Variants in MCU observed in about 807,000 individuals in gnomAD.
The protein encoded by MCU is mitochondrial calcium uniporter, also known as calcium uniporter protein, mitochondrial.
MCU carries 12 observed loss-of-function variants against 45.2 expected under a neutral mutation model. The ratio of observed to expected loss-of-function variants is 0.27; its 90% confidence interval spans 0.17 to 0.43. The LOEUF (loss-of-function observed/expected upper bound fraction) is 0.43. MCU is among the 20% of genes least tolerant of loss of function. The pLI is 1.00. For synonymous variants in MCU, 160 were observed against 165.1 expected (o/e 0.97, Z 0.24); for missense variants, 324 against 436.7 (o/e 0.74, Z 2.30).
chr10:72,715,195 G>T (rs747233610), intron 1 of MCU: 1 of 984,756 alleles, frequency 1.0e-6, no homozygotes, highest in Non-Finnish European at 1.2e-6. Context: ...CATCTTAGCT[G>T]CTAGAGTGTG....
chr10:72,860,310 T>C (rs1589500672), intron 3 of MCU, 113 bp from the exon 4 acceptor site: 3 of 868,358 alleles, frequency 3.5e-6, no homozygotes, highest in Non-Finnish European at 5.4e-6. Context: ...AAAAGTTAAC[T>C]GAAATTTTAA....
At chr10:72,846,812 G>A (rs1845130105) in intron 2 of MCU, among the ~76,000 whole-genome samples, 1 of 152,146 alleles carries the variant, frequency 6.6e-6, no homozygotes, top group African/African-American at 2.4e-5. Flanking sequence ...TAGGGACTGG[G>A]AAGGGACCAG....
intron 2 of MCU, among the ~76,000 whole-genome samples, chr10:72,857,079 T>C (rs1297420945): frequency 6.6e-6 from 1 of 152,072 alleles, no homozygotes; most frequent in Non-Finnish European, 1.5e-5. Context: ...CCTGAGTAGC[T>C]GAGACTACAG....
At chr10:72,762,094 A>T (rs1843664677) in intron 1 of MCU, among the ~76,000 whole-genome samples, 1 of 152,200 alleles carries the variant, frequency 6.6e-6, no homozygotes, top group African/African-American at 2.4e-5. Flanking sequence ...AATCTTCAGA[A>T]AGTATGAAAA....
chr10:72,854,168 C>G (rs531344703), intron 2 of MCU, among the ~76,000 whole-genome samples: 7 of 152,124 alleles, frequency 4.6e-5, no homozygotes, highest in African/African-American at 1.7e-4. Flanking sequence ...TGGCACATGC[C>G]TGTAGTCCCA....
chr10:72,797,147 TCTC>T (rs1448183910), intron 1 of MCU, among the ~76,000 whole-genome samples: 4 of 152,106 alleles, frequency 2.6e-5, no homozygotes, highest in Non-Finnish European at 5.9e-5. Context: ...GAAGTAAAAG[TCTC>T]CTGTTACTAG....
chr10:72,755,798 G>T (rs1843567589), intron 1 of MCU, among the ~76,000 whole-genome samples: 1 of 151,484 alleles, frequency 6.6e-6, no homozygotes, highest in Non-Finnish European at 1.5e-5. Flanking sequence ...CAAAGGTTGT[G>T]CCAGAGTACT....
intron 1 of MCU, among the ~76,000 whole-genome samples, chr10:72,829,980 C>T (rs541406705): frequency 5.3e-5 from 8 of 152,024 alleles, no homozygotes; most frequent in Non-Finnish European, 1.0e-4. Flanking sequence ...TAGAAGTAGG[C>T]GGGAAGGACT....
chr10:72,831,322 G>A (rs1235012521), intron 1 of MCU, among the ~76,000 whole-genome samples: 1 of 152,054 alleles, frequency 6.6e-6, no homozygotes, highest in Non-Finnish European at 1.5e-5. Flanking sequence ...AGGTTAGAGC[G>A]AAAGGTAAAT....
At chr10:72,856,622 TCTTA>T (rs1030564160) in intron 2 of MCU, among the ~76,000 whole-genome samples, 4 of 152,032 alleles carry the variant, frequency 2.6e-5, no homozygotes, top group Admixed American at 2.0e-4. Context: ...AATTTTTGAC[TCTTA>T]CTTTATTTTT....
chr10:72,824,340 G>T, intron 1 of MCU, among the ~76,000 whole-genome samples: 1 of 150,664 alleles, frequency 6.6e-6, no homozygotes, highest in African/African-American at 2.4e-5. Flanking sequence ...GGGATTACAG[G>T]TGTCTGCCAC....
At chr10:72,798,439 A>G (rs192804187) in intron 1 of MCU, among the ~76,000 whole-genome samples, 2 of 152,110 alleles carry the variant, frequency 1.3e-5, no homozygotes, top group South Asian at 2.1e-4. Context: ...TTACAGGTGC[A>G]TGTCACCATG....
chr10:72,815,153 C>T (rs1844605956), intron 1 of MCU, among the ~76,000 whole-genome samples: 1 of 152,242 alleles, frequency 6.6e-6, no homozygotes. Context: ...TTAGGCTTTG[C>T]AGCCATATAG....
In MCU at chr10:72,736,539, A is replaced by G. The variant is rs542029307; in HGVS notation, c.150+44238A>G. The G allele has an allele frequency of 3.3e-5, 5 of 152,276 alleles. No homozygotes were observed. The South Asian group carries it at 1.0e-3, about 32-fold the overall frequency. 9.4% of individuals were successfully genotyped at this position (152,276 alleles called of 1,614,324 possible). On this transcript the variant is annotated intron_variant, in intron 1 of 7. Coordinates refer to ENST00000373053, the MANE Select transcript of MCU (RefSeq NM_138357.3). ...GGGTTGGCCCTTTATGCTTATTAGG[A>G]AAGAAGGATTATGACCAACACTTGC...
At position 72,700,660 on chromosome 10, in the gene MCU, G is replaced by T. The variant is rs192794014; in HGVS notation, c.150+8359G>T. ...ACTTCATAAATTTTTTCACCAATTG[G>T]GTCTAAAGCATGCTAAAGGTGGAAC... On this transcript the variant is annotated intron_variant, in intron 1 of 7. Coordinates refer to ENST00000373053, the MANE Select transcript of MCU (RefSeq NM_138357.3). 6.5e-3 allele frequency among the ~76,000 whole-genome samples: 987 copies of T among 152,150 alleles called. 5 individuals carry two copies. Among genetic ancestry groups the T allele is most frequent in the Middle Eastern group, 0.017 (5 of 294 alleles).
rs573188892 is a variant in MCU, at chr10:72,751,619, G to C, written c.150+59318G>C. On this transcript the variant is annotated intron_variant, in intron 1 of 7. Coordinates refer to ENST00000373053, the MANE Select transcript of MCU (RefSeq NM_138357.3). ...GATCCGCCCACCTTGGCCTCCCAAA[G>C]TGCTGGGATTACGGGTGTGAGCCGC... 1.5e-3 allele frequency among the ~76,000 whole-genome samples: 221 copies of C among 152,028 alleles called. 2 individuals are homozygous for C. Among genetic ancestry groups the C allele is most frequent in the African/African-American group, 4.9e-3 (202 of 41,478 alleles).
At chr10:72,873,235 G>A (rs772915420) in intron 6 of MCU, among the ~76,000 whole-genome samples, 1 of 151,852 alleles carries the variant, frequency 6.6e-6, no homozygotes, top group Non-Finnish European at 1.5e-5. Context: ...AGCCAGGATG[G>A]TCTCGATCTC....
At chr10:72,720,423 G>A (rs900235537) in intron 1 of MCU, among the ~76,000 whole-genome samples, 1 of 152,192 alleles carries the variant, frequency 6.6e-6, no homozygotes, top group African/African-American at 2.4e-5. Context: ...TGAATGCCAT[G>A]AATAGATTAC....
At chr10:72,885,692 A>G in intron 7 of MCU, 53 bp from the exon 8 acceptor site, 1 of 1,117,522 alleles carries the variant, frequency 8.9e-7, no homozygotes, top group South Asian at 1.3e-5. Context: ...GTAGACAGTA[A>G]TATCATTGAA....
Sources: allele counts gnomAD v4.1 joint callset (sites outside exome capture counted in the v4.1 genomes callset), GRCh38; gene constraint gnomAD v4.1.1; transcripts MANE v1.5; gene names NCBI Gene and HGNC (gene_info 2026-07-23, HGNC 2026-07-21).